The following DLG3 variants were observed in gnomAD, a reference collection of about 807,000 sequenced individuals.
The protein encoded by DLG3 is discs large MAGUK scaffold protein 3.
A neutral mutation model predicts 64.1 loss-of-function variants in DLG3; 1 was observed. The ratio of observed to expected loss-of-function variants is 0.02; its 90% confidence interval spans 0.01 to 0.07. The LOEUF (loss-of-function observed/expected upper bound fraction) is 0.07, where lower values mean the gene tolerates loss of function less well. DLG3 is among the 10% of genes least tolerant of loss of function. The probability of loss-of-function intolerance (pLI) is 1.00; values close to 1 mark genes in which losing one functional copy is unlikely to be tolerated. For synonymous variants in DLG3, 245 were observed against 259.8 expected (o/e 0.94, Z 0.55); for missense variants, 429 against 669.5 (o/e 0.64, Z 3.96).
In DLG3 at chrX:70,445,014, C is replaced by T. The variant is rs762567022; in HGVS notation, c.-188C>T. The T allele has an allele frequency of 2.9e-4, 79 of 270,605 alleles. No individual in the cohort carries two copies. The Admixed American group carries it at 4.3e-3, about 15-fold the overall frequency. The allele number at this position is 270,605 out of a possible 1,213,427, so 22.3% of individuals were successfully genotyped here. The stretch of plus-strand genomic sequence containing the variant: ...GTGCGGGGCAGCGTGGGGGCCGAGG[C>T]CCCGGGACGCCCGCCCGGCCCCAGG... On this transcript the variant is annotated 5_prime_UTR_variant, in exon 1 of 19. Transcript: ENST00000374360.
intron 9 of DLG3, among the ~76,000 whole-genome samples, chrX:70,475,632 C>T (rs1040352784): frequency 1.8e-5 from 2 of 111,681 alleles, no homozygotes; most frequent in Non-Finnish European, 3.8e-5. Flanking sequence ...CATGATGTAT[C>T]AGAAAATGAA....
chrX:70,457,078 T>C (rs1441748468), intron 9 of DLG3, among the ~76,000 whole-genome samples: 4 of 112,112 alleles, frequency 3.6e-5, no homozygotes, highest in Non-Finnish European at 7.5e-5. Flanking sequence ...AATTCTTCAT[T>C]GTGCATACTG....
intron 9 of DLG3, among the ~76,000 whole-genome samples, chrX:70,460,144 G>A (rs1440013994): frequency 1.8e-5 from 2 of 110,070 alleles, no homozygotes; most frequent in Non-Finnish European, 3.8e-5. Flanking sequence ...TTAGCTGGGT[G>A]TGGTGGCATG....
At chrX:70,475,763 G>A (rs2087044325) in intron 9 of DLG3, among the ~76,000 whole-genome samples, 1 of 112,534 alleles carries the variant, frequency 8.9e-6, no homozygotes, top group Non-Finnish European at 1.9e-5. Context: ...GGATGGAGAA[G>A]TGATACAGAA....
Position 70,471,326 on chromosome X carries a change from CAT to C in DLG3, c.1406-7822_1406-7821del, listed in dbSNP as rs1335383753. Among the ~76,000 whole-genome samples, 3 of 109,017 alleles carry C rather than the reference CAT, an allele frequency of 2.8e-5. No homozygotes were observed. In the East Asian group the frequency reaches 8.6e-4, roughly 31 times the overall value. The allele number at this position is 109,017 out of a possible 115,157, so 94.7% of individuals were successfully genotyped here. A position where few individuals can be genotyped will look rare whatever the true frequency, so the allele number is the denominator to read the frequency against. ...ATAACAACATTTAGCCTGGAGAAGACATAACTTTTTTTTTTTTTTTTGAGACG... is the reference window on the plus strand; with the variant it reads ...ATAACAACATTTAGCCTGGAGAAGACAACTTTTTTTTTTTTTTTTGAGACG... On this transcript the variant is annotated intron_variant, in intron 9 of 18. Coordinates refer to ENST00000374360, the MANE Select transcript of DLG3 (RefSeq NM_021120.4).
intron 12 of DLG3, among the ~76,000 whole-genome samples, chrX:70,494,634 A>G (rs1886891): frequency 0.15 from 16,747 of 111,478 alleles, 1,179 homozygotes; most frequent in Non-Finnish European, 0.2. Flanking sequence ...GCCTGAGGTG[A>G]TGTCACCATA....
In DLG3 at chrX:70,479,169, G is replaced by A. The variant is rs138204352; in HGVS notation, c.1425G>A (p.Ser475=). ...YRPEEYSRFE[S]KIHDLREQMM... ...TGACAGAATACAGTCGCTTTGAATC[G>A]AAGATACATGACTTACGAGAACAAA... Residue 475 remains serine (S), a synonymous_variant, in exon 10 of 19, where the codon TCG becomes TCA. Transcript: ENST00000374360. 4.8e-5 allele frequency: 58 copies of A among 1,207,586 alleles called. No individual in the cohort carries two copies. The African/African-American group carries it at 8.6e-4, about 18-fold the overall frequency.
intron 9 of DLG3, among the ~76,000 whole-genome samples, chrX:70,477,212 A>AC (rs1018157299): frequency 4.4e-5 from 5 of 112,712 alleles, no homozygotes; most frequent in African/African-American, 1.6e-4. Context: ...GGAATATATA[A>AC]ACAAGTTTCA....
intron 8 of DLG3, among the ~76,000 whole-genome samples, chrX:70,454,011 T>C (rs760461093): frequency 8.9e-6 from 1 of 112,365 alleles, no homozygotes; most frequent in East Asian, 2.8e-4. Flanking sequence ...TTAACCCTGA[T>C]TGGCATTTGA....
rs967965638 is a variant in DLG3 at position 70,503,968 on chromosome X, T to C, written c.*1699T>C. ...GCACTTGTTTCCTAGCCCGCTGGGT[T>C]AGGGCTGGTGCAAGCGAGGCAATGT... On this transcript the variant is annotated 3_prime_UTR_variant, in exon 19 of 19. Coordinates refer to ENST00000374360, the MANE Select transcript of DLG3 (RefSeq NM_021120.4). 13 of 111,585 alleles carry C rather than the reference T, an allele frequency of 1.2e-4. No homozygotes were observed. Among genetic ancestry groups the C allele is most frequent in the African/African-American group, 3.9e-4 (12 of 30,611 alleles). 9.2% of individuals were successfully genotyped at this position (111,585 alleles called of 1,213,427 possible).
rs1016951494 is a variant in DLG3 at position 70,503,013 on chromosome X, G to A, written c.*744G>A. On this transcript the variant is annotated 3_prime_UTR_variant, in exon 19 of 19. Coordinates refer to ENST00000374360, the MANE Select transcript of DLG3 (RefSeq NM_021120.4). Reference sequence around the variant, plus strand: ...TGCTGCACTAAGGGCACTCGCATTTGGTCATTCTCTTGAGAGCTAGGAGGG... The same window carrying A: ...TGCTGCACTAAGGGCACTCGCATTTAGTCATTCTCTTGAGAGCTAGGAGGG... 1.8e-5 allele frequency: 2 copies of A among 110,921 alleles called. No homozygotes were observed. Among genetic ancestry groups the A allele is most frequent in the African/African-American group, 6.6e-5 (2 of 30,364 alleles). The allele number at this position is 110,921 out of a possible 1,213,427, so 9.1% of individuals were successfully genotyped here. A position where few individuals can be genotyped will look rare whatever the true frequency, so the allele number is the denominator to read the frequency against.
At chrX:70,488,071 G>A (rs767286748) in intron 10 of DLG3, among the ~76,000 whole-genome samples, 2 of 108,640 alleles carry the variant, frequency 1.8e-5, no homozygotes, top group East Asian at 2.9e-4. Context: ...GAGTGCAGTG[G>A]TGTGATCTCG....
At chrX:70,446,830 C>CAGGTG (rs1373017605) in intron 1 of DLG3, among the ~76,000 whole-genome samples, 3 of 112,349 alleles carry the variant, frequency 2.7e-5, no homozygotes, top group Non-Finnish European at 3.8e-5. Context: ...CTGTCGAGGG[C>CAGGTG]AGGTGATGAC....
chrX:70,450,011 C>T (rs1394202685), intron 4 of DLG3, 152 bp downstream of exon 4: 15 of 978,548 alleles, frequency 1.5e-5, no homozygotes, highest in Non-Finnish European at 2.0e-5. Flanking sequence ...AGGCCTCACC[C>T]TTACTCATCT....
At chrX:70,449,143 T>C (rs141972950) in intron 2 of DLG3, among the ~76,000 whole-genome samples, 180 bp downstream of exon 2, 258 of 111,361 alleles carry the variant, frequency 2.3e-3, no homozygotes, top group Non-Finnish European at 4.1e-3. Context: ...CAAATATTAA[T>C]TGACCTTGCT....
intron 10 of DLG3, among the ~76,000 whole-genome samples, chrX:70,487,848 T>A (rs1426633556): frequency 9.2e-6 from 1 of 108,274 alleles, no homozygotes; most frequent in East Asian, 3.0e-4. Flanking sequence ...ACAGGGTTTC[T>A]CCATGTTGAT....
chrX:70,480,764 G>T (rs1230100448), intron 10 of DLG3, among the ~76,000 whole-genome samples: 5 of 112,024 alleles, frequency 4.5e-5, no homozygotes, highest in African/African-American at 1.6e-4. Flanking sequence ...AGTGTGCGTG[G>T]GAAGCTGCTC....
intron 10 of DLG3, among the ~76,000 whole-genome samples, chrX:70,484,422 C>T (rs1275785194): frequency 2.7e-5 from 3 of 112,052 alleles, no homozygotes; most frequent in Non-Finnish European, 5.6e-5. Context: ...TCTGCTTTGC[C>T]CAGGGTGGTG....
chrX:70,451,671 G>A, intron 6 of DLG3, among the ~76,000 whole-genome samples, 196 bp from the exon 7 acceptor site: 1 of 111,849 alleles, frequency 8.9e-6, no homozygotes. Flanking sequence ...ACAGGAGTGA[G>A]CCAAGGATTT....
Sources: allele counts gnomAD v4.1 joint callset (sites outside exome capture counted in the v4.1 genomes callset), GRCh38; gene constraint gnomAD v4.1.1; transcripts MANE v1.5; gene names NCBI Gene and HGNC (gene_info 2026-07-23, HGNC 2026-07-21).